The following KIRREL1 variants were observed in gnomAD, a reference collection of about 807,000 sequenced individuals.
The protein encoded by KIRREL1 is kirre like nephrin family adhesion molecule 1, also known as kin of IRRE-like protein 1.
KIRREL1 carries 25 observed loss-of-function variants against 83.3 expected under a neutral mutation model. The observed-to-expected ratio is 0.30, with a 90% CI of 0.22 to 0.42. KIRREL1 has a LOEUF of 0.42. Ranked by LOEUF, KIRREL1 falls within the 10% of genes least tolerant of loss-of-function variation. The pLI is 1.00. For synonymous variants in KIRREL1, 388 were observed against 410.4 expected (o/e 0.95, Z 0.66); for missense variants, 812 against 1,032.3 (o/e 0.79, Z 2.92).
rs888912803 is a variant in KIRREL1 at position 158,099,993 on chromosome 1, C to T, written c.*4873C>T. 2 of 152,020 alleles carry T rather than the reference C, an allele frequency of 1.3e-5. No individual in the cohort carries two copies. Among genetic ancestry groups the T allele is most frequent in the Non-Finnish European group, 2.9e-5 (2 of 68,020 alleles). 9.4% of individuals were successfully genotyped at this position (152,020 alleles called of 1,614,324 possible). A position where few individuals can be genotyped will look rare whatever the true frequency, so the allele number is the denominator to read the frequency against. ...TTGGCATTGCAACCTCCATTTCTAG[C>T]TCCTGTTGAATTTTCTCCACCCAGA... On this transcript the variant is annotated 3_prime_UTR_variant, in exon 15 of 15. Transcript: ENST00000359209.
At chr1:158,070,574 T>C (rs973519677) in intron 1 of KIRREL1, among the ~76,000 whole-genome samples, 3 of 152,124 alleles carry the variant, frequency 2.0e-5, no homozygotes, top group Admixed American at 2.0e-4. Context: ...CACACACATA[T>C]GGGTAACTTT....
At chr1:158,062,475 T>A (rs951326414) in intron 1 of KIRREL1, among the ~76,000 whole-genome samples, 1 of 152,252 alleles carries the variant, frequency 6.6e-6, no homozygotes, top group Admixed American at 6.5e-5. Context: ...CTGCTTTTAC[T>A]TTACGCAGAA....
In KIRREL1 at chr1:158,094,299, C is replaced by G. The variant is rs1338370476; in HGVS notation, c.1720-14C>G. ...GCTTCCGTCTGCTGACGTCCCACTC[C>G]TGCTGCTCCACAGTCGTTTAAGGAT... On this transcript the variant is annotated splice_polypyrimidine_tract_variant and intron_variant, in intron 13 of 14. Coordinates refer to ENST00000359209, the MANE Select transcript of KIRREL1 (RefSeq NM_018240.7). The surrounding 1 kb of genome is among the most constrained non-coding windows in gnomAD (Gnocchi z 4.6). The G allele has an allele frequency of 1.9e-6, 3 of 1,595,380 alleles. No individual in the cohort carries two copies. The African/African-American group carries it at 4.0e-5, about 21-fold the overall frequency.
intron 1 of KIRREL1, among the ~76,000 whole-genome samples, chr1:158,000,164 A>G (rs967759765): frequency 7.9e-5 from 12 of 152,112 alleles, no homozygotes; most frequent in African/African-American, 2.7e-4. Context: ...CACTGCATGC[A>G]TATGCATATG....
chr1:158,078,164 T>C (rs1442811199), intron 3 of KIRREL1, 24 bp downstream of exon 3: 1 of 1,608,412 alleles, frequency 6.2e-7, no homozygotes, highest in Non-Finnish European at 8.5e-7. Context: ...TACCCTTCAG[T>C]ACTTCGAGGC....
At chr1:158,032,734 T>C (rs1368023171) in intron 1 of KIRREL1, among the ~76,000 whole-genome samples, 1 of 152,072 alleles carries the variant, frequency 6.6e-6, no homozygotes, top group Non-Finnish European at 1.5e-5. Flanking sequence ...TATAAATCAT[T>C]CCCAGCCTGT....
intron 1 of KIRREL1, among the ~76,000 whole-genome samples, chr1:158,023,057 C>T (rs971902748): frequency 6.6e-6 from 1 of 152,190 alleles, no homozygotes; most frequent in Admixed American, 6.5e-5. Context: ...TGGCTGCAGC[C>T]ATGAAGCAGG....
chr1:158,023,220 A>G (rs551834769), intron 1 of KIRREL1, among the ~76,000 whole-genome samples: 1 of 152,276 alleles, frequency 6.6e-6, no homozygotes, highest in East Asian at 1.9e-4. Context: ...GCTGGCCCCC[A>G]GTGGACTGGG....
intron 3 of KIRREL1, among the ~76,000 whole-genome samples, chr1:158,082,125 C>A (rs1383515862): frequency 4.6e-5 from 7 of 152,174 alleles, no homozygotes. Context: ...CACCACAGAA[C>A]AAGGAGGAAG....
intron 1 of KIRREL1, among the ~76,000 whole-genome samples, chr1:158,010,396 T>TGCACACACAC (rs1659648146): frequency 2.2e-5 from 1 of 44,586 alleles, no homozygotes; most frequent in Non-Finnish European, 4.0e-5. Flanking sequence ...CACACATGCA[T>TGCACACACAC]ACACACACAC....
chr1:158,085,140 T>C (rs1352039110), intron 4 of KIRREL1, among the ~76,000 whole-genome samples: 2 of 152,192 alleles, frequency 1.3e-5, no homozygotes, highest in Admixed American at 1.3e-4. Flanking sequence ...ATTTTATAGA[T>C]GAGGAAGCCA....
chr1:157,998,084 A>G (rs1659254282), intron 1 of KIRREL1, among the ~76,000 whole-genome samples: 1 of 152,106 alleles, frequency 6.6e-6, no homozygotes, highest in Admixed American at 6.6e-5. Flanking sequence ...TGCACAAGCT[A>G]GTCTCAAACT....
At chr1:158,027,504 C>T (rs939729015) in intron 1 of KIRREL1, among the ~76,000 whole-genome samples, 1 of 152,206 alleles carries the variant, frequency 6.6e-6, no homozygotes, top group Non-Finnish European at 1.5e-5. Flanking sequence ...CTGAAGGTTT[C>T]AACCCTCTAA....
rs553275765 is a variant in KIRREL1, at chr1:157,994,150, G to A, written c.52+422G>A. On this transcript the variant is annotated intron_variant, in intron 1 of 14. Transcript: ENST00000359209. ...TGGGATTTCGGATTTCGGGCGAGGG[G>A]GTGAGCGAAAAGCTGGGTCCCACCT... Among the ~76,000 whole-genome samples, 39 of 152,320 alleles carry A rather than the reference G, an allele frequency of 2.6e-4. 1 individual carries two copies. The highest frequency in any genetic ancestry group is 7.2e-4 in the African/African-American group (30 of 41,578).
chr1:158,096,600 G>C lies in KIRREL1; in HGVS notation c.*1480G>C. Reference sequence around the variant, plus strand: ...GAGAACTTGTGCTGACCGGGAGAAGGTGGTGCGGAAGGGCACCGCAGGCAT... The same window carrying C: ...GAGAACTTGTGCTGACCGGGAGAAGCTGGTGCGGAAGGGCACCGCAGGCAT... On this transcript the variant is annotated 3_prime_UTR_variant, in exon 15 of 15. Coordinates refer to ENST00000359209, the MANE Select transcript of KIRREL1 (RefSeq NM_018240.7). 2.2e-6 allele frequency: 1 copy of C among 456,964 alleles called. No homozygotes were observed. Among genetic ancestry groups the C allele is most frequent in the Non-Finnish European group, 4.4e-6 (1 of 227,034 alleles). 28.3% of individuals were successfully genotyped at this position (456,964 alleles called of 1,614,324 possible).
chr1:157,999,043 G>C (rs2101618029), intron 1 of KIRREL1, among the ~76,000 whole-genome samples: 1 of 152,206 alleles, frequency 6.6e-6, no homozygotes, highest in African/African-American at 2.4e-5. Context: ...AGCCTGCCTA[G>C]AAGAGCCACA....
At chr1:158,035,157 A>G (rs1188115920) in intron 1 of KIRREL1, among the ~76,000 whole-genome samples, 4 of 152,162 alleles carry the variant, frequency 2.6e-5, no homozygotes, top group African/African-American at 4.8e-5. Context: ...CTAGGTAGCT[A>G]TTCAGGCTCC....
intron 8 of KIRREL1, 163 bp from the exon 9 acceptor site, chr1:158,089,338 GA>G: frequency 1.0e-6 from 1 of 1,003,892 alleles, no homozygotes; most frequent in East Asian, 2.6e-5. Context: ...AACCTGTGTA[GA>G]GTCAGAGCAT....
intron 1 of KIRREL1, among the ~76,000 whole-genome samples, chr1:158,040,702 G>A (rs895393664): frequency 2.0e-5 from 3 of 152,318 alleles, no homozygotes; most frequent in African/African-American, 2.4e-5. Flanking sequence ...CAGAAAATGG[G>A]AACAGGCATT....
Sources: gnomAD v4.1 joint callset for allele counts (sites outside exome capture counted in the v4.1 genomes callset) on GRCh38, gnomAD v4.1.1 for gene constraint, Gnocchi (gnomAD v3.1) non-coding constraint, MANE v1.5 for transcripts, NCBI Gene and HGNC (gene_info 2026-07-23, HGNC 2026-07-21) for gene names.